The following NT5C1B variants were observed in gnomAD, a reference collection of about 807,000 sequenced individuals.
NT5C1B encodes the protein cytosolic 5'-nucleotidase 1B.
NT5C1B carries 44 observed loss-of-function variants against 57.8 expected under a neutral mutation model. The observed-to-expected ratio is 0.76, with a 90% confidence interval of 0.60 to 0.98. The LOEUF (loss-of-function observed/expected upper bound fraction) is 0.98. Among genes scored for constraint, NT5C1B ranks in the 50% least tolerant of loss-of-function variants. The probability of loss-of-function intolerance (pLI) is 0.00; values close to 1 mark genes in which losing one functional copy is unlikely to be tolerated. For synonymous variants in NT5C1B, 284 were observed against 282.6 expected (o/e 1.00, Z -0.05); for missense variants, 742 against 719.5 (o/e 1.03, Z -0.36).
At position 18,576,310 on chromosome 2, in the gene NT5C1B, C is replaced by G. The variant is rs1367065391; in HGVS notation, c.1203G>C (p.Gln401His). ...CATCCCCATCAAAGGCTACACGGAG[C>G]TGAGTGTCACAGTAAGCCATGTCTT... is the stretch of plus-strand genomic sequence containing the variant. The change falls in exon 8 of 9, where the codon CAG (glutamine) becomes CAC (histidine). Residue 401 changes from glutamine to histidine, a missense_variant. By Grantham distance (24) the Gln-to-His change is conservative. Coordinates refer to ENST00000304081, the Ensembl canonical transcript of NT5C1B. The G allele has an allele frequency of 1.9e-6, 3 of 1,613,792 alleles. No individual in the cohort carries two copies. The South Asian group carries it at 3.3e-5, about 18-fold the overall frequency.
Position 18,584,050 on chromosome 2 carries a change from C to G in NT5C1B, c.891+38G>C, listed in dbSNP as rs757563772. On this transcript the variant is annotated intron_variant, in intron 5 of 8. Transcript: ENST00000304081. The surrounding 1 kb of genome is among the most constrained non-coding windows in gnomAD (Gnocchi z 5.8). ...TTGGCCTGGGTCCCTCCCTCGCCAT[C>G]GAGTGTCCTGGCGGGCCAAAGACAG... 6.2e-7 allele frequency: 1 copy of G among 1,614,132 alleles called. No homozygotes were observed. The highest frequency in any genetic ancestry group is 8.5e-7 in the Non-Finnish European group (1 of 1,180,018).
chr2:18,584,602 C>CGCTGCT lies in NT5C1B; in HGVS notation c.629_634dup (p.Gln210_Gln211dup), dbSNP rs145060005. ...AGCCTCGTAGTCGTCCTCGTCCTCC[C>CGCTGCT]GCTGCTGCTGCTGCTGCTCGGACAG... On this transcript the variant is annotated inframe_insertion, in exon 4 of 9. Transcript: ENST00000304081. This position sits in a 1 kb window ranked among gnomAD's most constrained non-coding sequence, Gnocchi z 5.8. The CGCTGCT allele has an allele frequency of 2.2e-5, 35 of 1,611,900 alleles. No individual in the cohort carries two copies. The highest frequency in any genetic ancestry group is 2.9e-5 in the Non-Finnish European group (34 of 1,179,004).
exon 9 of NT5C1B, chr2:18,563,860 A>T (rs147939092): frequency 6.2e-7 from 1 of 1,612,890 alleles, no homozygotes; most frequent in Non-Finnish European, 8.5e-7. Context: ...TGCCCCTTCA[A>T]TGTGGAACAT....
intron 2 of NT5C1B, 90 bp downstream of exon 2, chr2:18,587,412 TC>T: frequency 1.3e-6 from 2 of 1,564,398 alleles, no homozygotes; most frequent in Non-Finnish European, 1.7e-6. Context: ...AACAGCTTGG[TC>T]TTCTCTCCCA....
Position 18,584,100 on chromosome 2 carries a change from G to GA in NT5C1B, c.878dup (p.Arg294ProfsTer12). On this transcript the variant is annotated frameshift_variant, in exon 5 of 9. Transcript: ENST00000304081. LOFTEE classifies it high-confidence loss of function. This position sits in a 1 kb window ranked among gnomAD's most constrained non-coding sequence, Gnocchi z 5.8. ...GCTTGCAGAATACCTTGACGAAGCGGAACGCCGGGCCCGGGGTCAGGATGA... is the reference window on the plus strand; with the variant it reads ...GCTTGCAGAATACCTTGACGAAGCGGAAACGCCGGGCCCGGGGTCAGGATGA... 6.2e-7 allele frequency: 1 copy of GA among 1,614,190 alleles called. No homozygotes were observed. The highest frequency in any genetic ancestry group is 8.5e-7 in the Non-Finnish European group (1 of 1,180,034).
exon 8 of NT5C1B, chr2:18,576,304 A>C (rs1319783510): frequency 1.2e-6 from 2 of 1,613,898 alleles, no homozygotes; most frequent in Non-Finnish European, 1.7e-6. Flanking sequence ...CAAAGGCTAC[A>C]CGGAGCTGAG....
chr2:18,589,074 T>C (rs1572395827), intron 1 of NT5C1B, among the ~76,000 whole-genome samples: 1 of 152,206 alleles, frequency 6.6e-6, no homozygotes. Context: ...TATGGAGCAA[T>C]GAGTTGTCCT....
At chr2:18,575,989 A>T (rs1665632685) in intron 8 of NT5C1B, among the ~76,000 whole-genome samples, 195 bp downstream of exon 8, 1 of 152,208 alleles carries the variant, frequency 6.6e-6, no homozygotes, top group African/African-American at 2.4e-5. Flanking sequence ...AAAATTAAAA[A>T]TAAAGTTGTC....
intron 8 of NT5C1B, among the ~76,000 whole-genome samples, chr2:18,568,282 AGTGC>A (rs1664836745): frequency 6.6e-6 from 1 of 152,234 alleles, no homozygotes; most frequent in Admixed American, 6.5e-5. Flanking sequence ...GCATCTTTAA[AGTGC>A]TGGGAGAAAC....
At chr2:18,573,215 C>T (rs1410108327) in intron 8 of NT5C1B, among the ~76,000 whole-genome samples, 2 of 151,878 alleles carry the variant, frequency 1.3e-5, no homozygotes, top group Admixed American at 6.6e-5. Flanking sequence ...TTATGTGACA[C>T]CTGGAAAAGG....
chr2:18,584,403 A>C lies in NT5C1B; in HGVS notation c.723+111T>G. 7 of 1,524,064 alleles carry C rather than the reference A, an allele frequency of 4.6e-6. No homozygotes were observed. In the South Asian group the frequency reaches 8.8e-5, roughly 19 times the overall value. The allele number at this position is 1,524,064 out of a possible 1,614,324, so 94.4% of individuals were successfully genotyped here. A position where few individuals can be genotyped will look rare whatever the true frequency, so the allele number is the denominator to read the frequency against. Reference sequence around the variant, plus strand: ...AGACAGCTGAGGCTGGGACTCCCCGAAGTTTGGGGAGGAGAAGCGGGAGGA... The same window carrying C: ...AGACAGCTGAGGCTGGGACTCCCCGCAGTTTGGGGAGGAGAAGCGGGAGGA... On this transcript the variant is annotated intron_variant, in intron 4 of 8. Transcript: ENST00000304081. This position sits in a 1 kb window ranked among gnomAD's most constrained non-coding sequence, Gnocchi z 5.8.
At chr2:18,587,076 G>T in intron 2 of NT5C1B, 1 of 1,614,198 alleles carries the variant, frequency 6.2e-7, no homozygotes, top group Non-Finnish European at 8.5e-7. Context: ...GGGGCCAAGG[G>T]CTGTTCCCTC....
chr2:18,578,894 G>A (rs1037597994), intron 6 of NT5C1B, among the ~76,000 whole-genome samples: 21 of 152,144 alleles, frequency 1.4e-4, no homozygotes, highest in Non-Finnish European at 7.4e-5. Flanking sequence ...CCTAGAAAAT[G>A]CCATAGTTTC....
intron 8 of NT5C1B, among the ~76,000 whole-genome samples, chr2:18,567,718 A>G (rs1664771113): frequency 6.6e-6 from 1 of 152,224 alleles, no homozygotes; most frequent in Non-Finnish European, 1.5e-5. Context: ...CTAGTCCCAC[A>G]GTAAAACAGA....
intron 6 of NT5C1B, among the ~76,000 whole-genome samples, chr2:18,578,771 A>G (rs148737709): frequency 1.3e-5 from 2 of 152,170 alleles, no homozygotes; most frequent in South Asian, 2.1e-4. Flanking sequence ...TTTGTATTCA[A>G]CATAGTCCTT....
intron 2 of NT5C1B, chr2:18,587,067 G>T (rs899091574): frequency 6.2e-7 from 1 of 1,614,188 alleles, no homozygotes. Flanking sequence ...TGTGTGGCAG[G>T]GGCCAAGGGC....
chr2:18,574,942 A>C (rs1400124650), intron 8 of NT5C1B, among the ~76,000 whole-genome samples: 1 of 152,090 alleles, frequency 6.6e-6, no homozygotes, highest in East Asian at 1.9e-4. Flanking sequence ...GTATACATTA[A>C]ATATGTGCAA....
chr2:18,587,005 T>C, intron 2 of NT5C1B: 1 of 1,614,234 alleles, frequency 6.2e-7, no homozygotes. Flanking sequence ...CTCATCATGG[T>C]GATCTGCTGG....
rs58821578 is a variant in NT5C1B, at chr2:18,564,737, C to T, written c.1330-618G>A. Among the ~76,000 whole-genome samples, 1,194 of 152,244 alleles carry T rather than the reference C, an allele frequency of 7.8e-3. 19 individuals are homozygous for T. The highest frequency in any genetic ancestry group is 0.027 in the African/African-American group (1,141 of 41,556). ...CATTTACATTTATTCATATTACAAA[C>T]ATACTTGAGATTGTTTCTGTCTTAT... On this transcript the variant is annotated intron_variant, in intron 8 of 8. Coordinates refer to ENST00000304081, the Ensembl canonical transcript of NT5C1B.
Sources: allele counts gnomAD v4.1 joint callset (sites outside exome capture counted in the v4.1 genomes callset), GRCh38; gene constraint gnomAD v4.1.1; non-coding constraint Gnocchi (gnomAD v3.1); transcripts MANE v1.5; gene names NCBI Gene and HGNC (gene_info 2026-07-23, HGNC 2026-07-21).